The following LIN9 variants were observed in gnomAD, a reference collection of about 807,000 sequenced individuals.
LIN9 encodes the protein lin-9 DREAM MuvB core complex component.
A neutral mutation model predicts 78.0 loss-of-function variants in LIN9; 18 were observed. The observed-to-expected ratio is 0.23, with a 90% confidence interval of 0.16 to 0.34. LIN9 has a LOEUF of 0.34. Ranked by LOEUF, LIN9 falls within the 10% of genes least tolerant of loss-of-function variation. The pLI, the probability that LIN9 is intolerant of heterozygous loss-of-function variation, is 1.00. For missense variants in LIN9, 451 were observed against 644.1 expected (o/e 0.70, Z 3.25); for synonymous variants, 192 against 215.2 (o/e 0.89, Z 0.94).
chr1:226,278,819 G>A (rs1171257371), intron 6 of LIN9, among the ~76,000 whole-genome samples: 4 of 104,152 alleles, frequency 3.8e-5, no homozygotes, highest in Non-Finnish European at 7.5e-5. Context: ...GTAAAACTCC[G>A]TCTCAAAAAA....
Position 226,235,135 on chromosome 1 carries a change from C to T in LIN9, c.1246-1612G>A, listed in dbSNP as rs147770926. ...ATCACCTGAGGTCAGGAGTTCAAGA[C>T]CAGCCTGGCCAACATGTCTCTACTA... On this transcript the variant is annotated intron_variant, in intron 12 of 14. Coordinates refer to ENST00000681046, the MANE Select transcript of LIN9 (RefSeq NM_001366245.2). Among the ~76,000 whole-genome samples the T allele has an allele frequency of 5.4e-3, 822 of 151,654 alleles. 2 individuals are homozygous for T. Among genetic ancestry groups the T allele is most frequent in the Non-Finnish European group, 8.4e-3 (569 of 67,878 alleles).
rs559460640 is a variant in LIN9 at position 226,260,628 on chromosome 1, G to GTTTTT, written c.1038+4900_1038+4904dup. Among the ~76,000 whole-genome samples, 46 of 73,424 alleles carry GTTTTT rather than the reference G, an allele frequency of 6.3e-4. 3 individuals carry two copies. The highest frequency in any genetic ancestry group is 1.3e-3 in the East Asian group (3 of 2,378). 48.2% of individuals were successfully genotyped at this position (73,424 alleles called of 152,430 possible). ...AGAATTTAAGATCACGGCCAAATGAGTTTTTTTTTTTTTTTTTTTTTTTTT... is the reference window on the plus strand; with the variant it reads ...AGAATTTAAGATCACGGCCAAATGAGTTTTTTTTTTTTTTTTTTTTTTTTTTTTTT... On this transcript the variant is annotated intron_variant, in intron 10 of 14. Transcript: ENST00000681046.
chr1:226,245,422 CT>C (rs375842164), intron 11 of LIN9, among the ~76,000 whole-genome samples: 3 of 143,644 alleles, frequency 2.1e-5, no homozygotes, highest in Non-Finnish European at 4.6e-5. Context: ...ACATACTTGT[CT>C]TTTTTCCCCC....
At chr1:226,309,720 G>A (rs1345487595), upstream of LIN9, 3 of 1,287,848 alleles carry the variant, frequency 2.3e-6, no homozygotes, top group Admixed American at 6.9e-5. Flanking sequence ...CGACGTCCGG[G>A]ACTCGGTCCC....
chr1:226,258,060 T>C (rs1284091496), intron 10 of LIN9, among the ~76,000 whole-genome samples: 1 of 152,030 alleles, frequency 6.6e-6, no homozygotes, highest in Non-Finnish European at 1.5e-5. Flanking sequence ...GTCTTGTGCC[T>C]GTAGTCCCAG....
At chr1:226,267,230 G>GAT (rs4012808) in intron 8 of LIN9, among the ~76,000 whole-genome samples, 44,331 of 137,172 alleles carry the variant, frequency 0.32, 7,188 homozygotes, top group East Asian at 0.42. Context: ...GCACTAAGGA[G>GAT]ATATATATAT....
chr1:226,246,034 T>C (rs1259217601), intron 11 of LIN9, among the ~76,000 whole-genome samples: 1 of 152,228 alleles, frequency 6.6e-6, no homozygotes, highest in Non-Finnish European at 1.5e-5. Flanking sequence ...CAACAGACAA[T>C]TGTATAATTC....
At chr1:226,276,690 G>A (rs1343870529) in intron 7 of LIN9, among the ~76,000 whole-genome samples, 1 of 151,988 alleles carries the variant, frequency 6.6e-6, no homozygotes, top group African/African-American at 2.4e-5. Flanking sequence ...ATTTTTCAAT[G>A]GTTGAAGTAC....
chr1:226,267,918 C>G, intron 8 of LIN9, 39 bp downstream of exon 8: 1 of 1,579,870 alleles, frequency 6.3e-7, no homozygotes, highest in Non-Finnish European at 8.6e-7. Context: ...ACACATTTAA[C>G]AGGCATAAAA....
rs374186918 is a variant in LIN9, at chr1:226,239,045, T to A, written c.1171A>T (p.Ile391Phe). The A allele has an allele frequency of 6.2e-7, 1 of 1,613,850 alleles. No individual in the cohort carries two copies. The change falls in exon 12 of 15, where the codon ATT becomes TTT. Residue 391 changes from isoleucine to phenylalanine, a missense_variant. By Grantham distance (21) the Ile-to-Phe change is conservative. Transcript: ENST00000681046. The stretch of plus-strand genomic sequence containing the variant: ...TTCAGCTGTTCAAGCTCCAGAACAA[T>A]TGTTGCATATCTCCGCTGAAATTCA... ...SIEFQRRYAT[I>F]VLELEQLNKD...
chr1:226,267,239 A>ATATG (rs1389272638), intron 8 of LIN9, among the ~76,000 whole-genome samples: 1 of 147,100 alleles, frequency 6.8e-6, no homozygotes, highest in Non-Finnish European at 1.5e-5. Context: ...AGATATATAT[A>ATATG]TATATATATA....
intron 7 of LIN9, among the ~76,000 whole-genome samples, chr1:226,273,460 G>A (rs997894810): frequency 6.6e-6 from 1 of 151,684 alleles, no homozygotes; most frequent in African/African-American, 2.4e-5. Context: ...TGCCAGGCTG[G>A]TCTCAAACTC....
chr1:226,286,625 T>G (rs191752399), intron 5 of LIN9, among the ~76,000 whole-genome samples, 167 bp from the exon 6 acceptor site: 1 of 152,362 alleles, frequency 6.6e-6, no homozygotes, highest in East Asian at 1.9e-4. Context: ...AAACATCTAA[T>G]GTCGTGTAAA....
intron 7 of LIN9, among the ~76,000 whole-genome samples, chr1:226,269,272 CCT>C (rs1660115690): frequency 6.6e-6 from 1 of 152,066 alleles, no homozygotes; most frequent in South Asian, 2.1e-4. Flanking sequence ...TCTGACAGAT[CCT>C]TTAAGGGAAA....
chr1:226,233,616 T>C (rs1248822607), intron 12 of LIN9, 93 bp from the exon 13 acceptor site: 2 of 943,888 alleles, frequency 2.1e-6, no homozygotes, highest in Non-Finnish European at 2.9e-6. Flanking sequence ...TTTTAATTTT[T>C]ATAAAACTAG....
chr1:226,259,196 G>C (rs1029537415), intron 10 of LIN9, among the ~76,000 whole-genome samples: 1 of 152,040 alleles, frequency 6.6e-6, no homozygotes, highest in Non-Finnish European at 1.5e-5. Context: ...CTGACCTCAA[G>C]TGATCTGCCC....
intron 11 of LIN9, among the ~76,000 whole-genome samples, chr1:226,241,235 C>T (rs114883941): frequency 0.02 from 3,106 of 152,256 alleles, 52 homozygotes; most frequent in Non-Finnish European, 0.034. Flanking sequence ...TATAAGAATG[C>T]AGGGATAATG....
At chr1:226,238,037 G>C (rs1175076228) in intron 12 of LIN9, among the ~76,000 whole-genome samples, 2 of 151,866 alleles carry the variant, frequency 1.3e-5, no homozygotes, top group Non-Finnish European at 2.9e-5. Context: ...AAATTCAGGA[G>C]CATTTTAAAC....
Position 226,309,146 on chromosome 1 carries a change from C to G in LIN9, c.-7G>C. Reference sequence around the variant, plus strand: ...ACTGGTCGAGCTCCGCCATCTTGAACGAGCCGCGCCGCTTTTTCAAAGGCT... The same window carrying G: ...ACTGGTCGAGCTCCGCCATCTTGAAGGAGCCGCGCCGCTTTTTCAAAGGCT... On this transcript the variant is annotated 5_prime_UTR_variant, in exon 1 of 15. Coordinates refer to ENST00000681046, the MANE Select transcript of LIN9 (RefSeq NM_001366245.2). 1.5e-6 allele frequency: 2 copies of G among 1,370,538 alleles called. No homozygotes were observed. The highest frequency in any genetic ancestry group is 1.9e-6 in the Non-Finnish European group (2 of 1,049,000). 84.9% of individuals were successfully genotyped at this position (1,370,538 alleles called of 1,614,324 possible).
Sources: gnomAD v4.1 joint callset for allele counts (sites outside exome capture counted in the v4.1 genomes callset) on GRCh38, gnomAD v4.1.1 for gene constraint, MANE v1.5 for transcripts, NCBI Gene and HGNC (gene_info 2026-07-23, HGNC 2026-07-21) for gene names.